The following ST6GALNAC3 variants were observed in gnomAD, a reference collection of about 807,000 sequenced individuals.
ST6GALNAC3 encodes the protein alpha-N-acetylgalactosaminide alpha-2,6-sialyltransferase 3.
ST6GALNAC3 carries 25 observed loss-of-function variants against 32.7 expected under a neutral mutation model. The ratio of observed to expected loss-of-function variants is 0.76; its 90% CI spans 0.56 to 1.07. ST6GALNAC3 has a LOEUF of 1.07. ST6GALNAC3 is among the 50% of genes least tolerant of loss of function. The pLI is 0.00. For synonymous variants in ST6GALNAC3, 129 were observed against 133.1 expected, an observed-to-expected ratio of 0.97 and a Z score of 0.21; for missense variants, 355 against 382.4, an observed-to-expected ratio of 0.93 and a Z score of 0.60.
At chr1:76,156,614 G>A (rs961119346) in intron 1 of ST6GALNAC3, among the ~76,000 whole-genome samples, 1 of 151,678 alleles carries the variant, frequency 6.6e-6, no homozygotes, top group African/African-American at 2.4e-5. Context: ...CCATCATTGC[G>A]GGTTTTTGTT....
At chr1:76,137,436 G>T (rs1209438268) in intron 1 of ST6GALNAC3, among the ~76,000 whole-genome samples, 2 of 152,184 alleles carry the variant, frequency 1.3e-5, no homozygotes, top group African/African-American at 4.8e-5. Flanking sequence ...AGACATTTCT[G>T]GGAGGCAGGT....
rs1273398315 is a variant in ST6GALNAC3, at chr1:76,260,408, CA to C, written c.19-53396del. ...GCTGATCTTTAAGGCAATTAGGTAA[CA>C]GTTAAAGTAATAGTCCCCAGTTATT... On this transcript the variant is annotated intron_variant, in intron 1 of 4. Coordinates refer to ENST00000328299, the MANE Select transcript of ST6GALNAC3 (RefSeq NM_152996.4). Among the ~76,000 whole-genome samples the C allele has an allele frequency of 1.2e-4, 19 of 152,314 alleles. No homozygotes were observed. In the East Asian group the frequency reaches 3.7e-3, roughly 29 times the overall value.
At chr1:76,339,479 A>G (rs553661078) in intron 2 of ST6GALNAC3, among the ~76,000 whole-genome samples, 1 of 152,316 alleles carries the variant, frequency 6.6e-6, no homozygotes, top group South Asian at 2.1e-4. Context: ...TAACCCCCAA[A>G]GACTCATTTT....
intron 1 of ST6GALNAC3, among the ~76,000 whole-genome samples, chr1:76,108,861 AGTGT>A (rs10528375): frequency 0.34 from 51,425 of 149,446 alleles, 9,242 homozygotes; most frequent in East Asian, 0.72. Context: ...CTGTAGACAT[AGTGT>A]GTGTGTGTGT....
chr1:76,610,649 G>A (rs1405177999), intron 3 of ST6GALNAC3, among the ~76,000 whole-genome samples: 1 of 152,074 alleles, frequency 6.6e-6, no homozygotes, highest in Non-Finnish European at 1.5e-5. Flanking sequence ...TTTCTTTGAG[G>A]CCGTGTTGAG....
chr1:76,183,249 T>C (rs1198795697), intron 1 of ST6GALNAC3, among the ~76,000 whole-genome samples: 3 of 152,160 alleles, frequency 2.0e-5, no homozygotes, highest in Non-Finnish European at 4.4e-5. Context: ...TTTCAGCTAA[T>C]TTCTCCAGTT....
intron 1 of ST6GALNAC3, among the ~76,000 whole-genome samples, chr1:76,078,543 T>C (rs1414707369): frequency 6.6e-6 from 1 of 152,230 alleles, no homozygotes; most frequent in African/African-American, 2.4e-5. Flanking sequence ...TTATTGATTA[T>C]AGAGCCATAA....
intron 1 of ST6GALNAC3, among the ~76,000 whole-genome samples, chr1:76,269,016 T>A (rs549838252): frequency 2.2e-4 from 33 of 152,370 alleles, no homozygotes; most frequent in African/African-American, 7.2e-4. Context: ...TTAATGTTAT[T>A]ACTACAGCAA....
At chr1:76,330,895 C>A (rs1647176440) in intron 2 of ST6GALNAC3, among the ~76,000 whole-genome samples, 1 of 152,178 alleles carries the variant, frequency 6.6e-6, no homozygotes, top group African/African-American at 2.4e-5. Flanking sequence ...TTGATCCCAT[C>A]TCCTCTTGTA....
intron 1 of ST6GALNAC3, among the ~76,000 whole-genome samples, chr1:76,256,533 C>A (rs1352197180): frequency 6.6e-6 from 1 of 151,636 alleles, no homozygotes; most frequent in Non-Finnish European, 1.5e-5. Flanking sequence ...TAAATTGTAT[C>A]AACTGAATAT....
At chr1:76,508,952 G>A (rs1332630967) in intron 3 of ST6GALNAC3, among the ~76,000 whole-genome samples, 3 of 152,268 alleles carry the variant, frequency 2.0e-5, no homozygotes, top group African/African-American at 7.2e-5. Flanking sequence ...TGTCAACTTA[G>A]TAAGGACAAT....
chr1:76,117,924 C>T (rs963623478), intron 1 of ST6GALNAC3, among the ~76,000 whole-genome samples: 27 of 152,148 alleles, frequency 1.8e-4, no homozygotes, highest in African/African-American at 5.8e-4. Context: ...GTACCTACTT[C>T]GTGGGACTAT....
intron 1 of ST6GALNAC3, among the ~76,000 whole-genome samples, chr1:76,301,693 C>A (rs554626328): frequency 2.0e-5 from 3 of 151,860 alleles, no homozygotes; most frequent in Admixed American, 2.0e-4. Flanking sequence ...TTCACTCTAC[C>A]GAGGTTCAAC....
intron 1 of ST6GALNAC3, among the ~76,000 whole-genome samples, chr1:76,089,351 A>G (rs1477905732): frequency 6.6e-6 from 1 of 152,158 alleles, no homozygotes; most frequent in Non-Finnish European, 1.5e-5. Flanking sequence ...GCACCCGGCC[A>G]CACTGAAGGA....
intron 2 of ST6GALNAC3, among the ~76,000 whole-genome samples, chr1:76,316,207 G>GA (rs774122239): frequency 2.0e-5 from 3 of 152,006 alleles, no homozygotes; most frequent in Non-Finnish European, 2.9e-5. Flanking sequence ...ACCCACTTTG[G>GA]AAAAAACAGC....
At chr1:76,475,866 C>T (rs1480045680) in intron 3 of ST6GALNAC3, among the ~76,000 whole-genome samples, 1 of 152,092 alleles carries the variant, frequency 6.6e-6, no homozygotes, top group East Asian at 1.9e-4. Context: ...CAGCCCCCGA[C>T]AGGCCCCGCT....
chr1:76,208,118 C>CCA (rs1654934181), intron 1 of ST6GALNAC3, among the ~76,000 whole-genome samples: 1 of 134,484 alleles, frequency 7.4e-6, no homozygotes, highest in Non-Finnish European at 1.6e-5. Context: ...ATCCTGTAAC[C>CCA]CACTTAAACA....
At chr1:76,364,241 C>T (rs748448013) in intron 2 of ST6GALNAC3, among the ~76,000 whole-genome samples, 2 of 152,148 alleles carry the variant, frequency 1.3e-5, no homozygotes, top group Non-Finnish European at 2.9e-5. Context: ...CTAAGACACA[C>T]TCATACCTTT....
intron 1 of ST6GALNAC3, among the ~76,000 whole-genome samples, chr1:76,159,078 G>A (rs1391905966): frequency 6.6e-6 from 1 of 152,234 alleles, no homozygotes; most frequent in Non-Finnish European, 1.5e-5. Flanking sequence ...GACAAGAGTG[G>A]AGATGGGAAA....
Sources: allele counts gnomAD v4.1 joint callset (sites outside exome capture counted in the v4.1 genomes callset), GRCh38; gene constraint gnomAD v4.1.1; transcripts MANE v1.5; gene names NCBI Gene and HGNC (gene_info 2026-07-23, HGNC 2026-07-21).